The following USP25 variants were observed in gnomAD, a reference collection of about 807,000 sequenced individuals.
The protein encoded by USP25 is ubiquitin specific peptidase 25.
In USP25, 85 loss-of-function variants were observed where a neutral mutation model predicts 158.5. The observed-to-expected ratio is 0.54, with a 90% CI of 0.45 to 0.64. The LOEUF (loss-of-function observed/expected upper bound fraction) is 0.64. Among genes scored for constraint, USP25 ranks in the 30% least tolerant of loss-of-function variants. The pLI is 0.00. For missense variants in USP25, 1,242 were observed against 1,327.3 expected, an observed-to-expected ratio of 0.94 and a Z score of 1.00; for synonymous variants, 464 against 460.4, an observed-to-expected ratio of 1.01 and a Z score of -0.10.
chr21:15,840,220 G>C (rs918885743), intron 17 of USP25, among the ~76,000 whole-genome samples: 4 of 152,088 alleles, frequency 2.6e-5, no homozygotes, highest in African/African-American at 9.7e-5. Flanking sequence ...ACCTCTTCTA[G>C]AAAGTGTTTC....
At chr21:15,810,138 A>G (rs1222360489) in intron 8 of USP25, among the ~76,000 whole-genome samples, 1 of 152,192 alleles carries the variant, frequency 6.6e-6, no homozygotes, top group Non-Finnish European at 1.5e-5. Context: ...ATTTTATCAC[A>G]GTTTTAAGAA....
chr21:15,871,789 G>A (rs1021909469), intron 23 of USP25, among the ~76,000 whole-genome samples: 15 of 151,872 alleles, frequency 9.9e-5, no homozygotes, highest in African/African-American at 3.6e-4. Context: ...AAATTAGAAG[G>A]ATTAACTAGA....
At chr21:15,866,202 A>AATATATAT (rs147076784) in intron 21 of USP25, 64 bp from the exon 22 acceptor site, 9 of 894,994 alleles carry the variant, frequency 1.0e-5, no homozygotes, top group East Asian at 7.1e-5. Context: ...TTGATTTACA[A>AATATATAT]ATATATATAT....
intron 4 of USP25, among the ~76,000 whole-genome samples, chr21:15,787,049 A>T (rs751183777): frequency 6.6e-6 from 1 of 152,126 alleles, no homozygotes; most frequent in Non-Finnish European, 1.5e-5. Context: ...AATAAACTTA[A>T]CCAAAGAGAT....
chr21:15,774,924 G>A (rs1206727565), intron 3 of USP25, among the ~76,000 whole-genome samples: 1 of 152,108 alleles, frequency 6.6e-6, no homozygotes, highest in African/African-American at 2.4e-5. Context: ...CAGTACAAAA[G>A]GCAAATAATA....
chr21:15,878,242 G>C (rs2040176344), intron 25 of USP25, 61 bp from the exon 26 acceptor site: 3 of 1,551,024 alleles, frequency 1.9e-6, no homozygotes, highest in Admixed American at 3.8e-5. Context: ...AGTAAATCAT[G>C]TTGACAATGA....
chr21:15,749,943 C>A (rs1024493837), intron 1 of USP25, among the ~76,000 whole-genome samples: 13 of 151,986 alleles, frequency 8.6e-5, no homozygotes, highest in Admixed American at 6.6e-5. Context: ...GCCCCTAAAG[C>A]CTTTGGAATT....
rs1261287610 is a variant in USP25, at chr21:15,826,877, T to C, written c.1467-100T>C. On this transcript the variant is annotated intron_variant, in intron 13 of 25. Transcript: ENST00000400183. This position sits in a 1 kb window ranked among gnomAD's most constrained non-coding sequence, Gnocchi z 4.8. Reference sequence around the variant, plus strand: ...CACATATTTCTTTAAGATTTTTTCTTTTGAATTACAAGCCAATTTAATACT... The same window carrying C: ...CACATATTTCTTTAAGATTTTTTCTCTTGAATTACAAGCCAATTTAATACT... The C allele has an allele frequency of 1.7e-6, 2 of 1,183,936 alleles. No homozygotes were observed. The highest frequency in any genetic ancestry group is 4.7e-5 in the Admixed American group (2 of 42,584). 73.3% of individuals were successfully genotyped at this position (1,183,936 alleles called of 1,614,324 possible).
In USP25 at chr21:15,816,144, T is replaced by C. The variant is rs1208230884; in HGVS notation, c.932-2554T>C. ...TAACTGAATCATGGTGGGGCAGTCT[T>C]TCCTGTGCTATTCTCATGATATTGA... On this transcript the variant is annotated intron_variant, in intron 9 of 25. Coordinates refer to ENST00000400183, the MANE Select transcript of USP25 (RefSeq NM_001283041.3). This position sits in a 1 kb window ranked among gnomAD's most constrained non-coding sequence, Gnocchi z 4.0. 6.6e-6 allele frequency among the ~76,000 whole-genome samples: 1 copy of C among 152,164 alleles called. No homozygotes were observed. Among genetic ancestry groups the C allele is most frequent in the Non-Finnish European group, 1.5e-5 (1 of 68,022 alleles).
intron 23 of USP25, among the ~76,000 whole-genome samples, chr21:15,870,498 G>A (rs543227584): frequency 6.6e-5 from 10 of 152,252 alleles, no homozygotes; most frequent in Non-Finnish European, 1.3e-4. Flanking sequence ...AAGTGTAGCT[G>A]TAGAAAATTT....
Position 15,826,240 on chromosome 21 carries a change from C to G in USP25, c.1341C>G (p.Pro447=). The change falls in exon 13 of 26, where the codon CCC becomes CCG. Residue 447 remains proline, a synonymous_variant. Coordinates refer to ENST00000400183, the MANE Select transcript of USP25 (RefSeq NM_001283041.3). This position sits in a 1 kb window ranked among gnomAD's most constrained non-coding sequence, Gnocchi z 4.8. ...ATGGTTCCGGTCCCAAACGATTCCC[C>G]TTGGTAGATGTTCTTCAGTATGCAT... ...LSYGSGPKRF[P]LVDVLQYALE... 6.2e-7 allele frequency: 1 copy of G among 1,613,994 alleles called. No homozygotes were observed. Among genetic ancestry groups the G allele is most frequent in the Non-Finnish European group, 8.5e-7 (1 of 1,179,936 alleles).
chr21:15,781,790 A>G (rs916929868), intron 4 of USP25, among the ~76,000 whole-genome samples: 2 of 152,158 alleles, frequency 1.3e-5, no homozygotes, highest in African/African-American at 4.8e-5. Flanking sequence ...AGTCACTGCT[A>G]CAAGAGAGTT....
chr21:15,825,240 C>T (rs746344718), intron 12 of USP25, among the ~76,000 whole-genome samples, 179 bp downstream of exon 12: 5 of 152,064 alleles, frequency 3.3e-5, no homozygotes, highest in Non-Finnish European at 7.4e-5. Context: ...AAAAATTATT[C>T]TAGTGTTTAA....
chr21:15,840,523 C>T (rs532994955), intron 17 of USP25, among the ~76,000 whole-genome samples: 40 of 152,120 alleles, frequency 2.6e-4, no homozygotes, highest in Non-Finnish European at 4.7e-4. Flanking sequence ...GTTCAACTCC[C>T]GTGACAACGA....
Position 15,866,269 on chromosome 21 carries a change from T to C in USP25, c.2730T>C (p.Cys910=). The change falls in exon 22 of 26, where the codon TGT becomes TGC. Residue 910 remains cysteine, a synonymous_variant. Coordinates refer to ENST00000400183, the MANE Select transcript of USP25 (RefSeq NM_001283041.3). ...TATGTATGTGTTTTTTTTTAAGGTG[T>C]CACAACATAATGAAAGTTGCTCAAG... ...GDRNLSFDER[C]HNIMKVAQAK... The C allele has an allele frequency of 6.2e-7, 1 of 1,601,060 alleles. No homozygotes were observed. The highest frequency in any genetic ancestry group is 1.7e-5 in the Admixed American group (1 of 58,294).
At chr21:15,743,581 T>A (rs986010318) in intron 1 of USP25, among the ~76,000 whole-genome samples, 1 of 152,126 alleles carries the variant, frequency 6.6e-6, no homozygotes, top group Non-Finnish European at 1.5e-5. Context: ...CAACATTCAA[T>A]TGGTTTAAAA....
At chr21:15,819,829 G>C (rs1790913106) in intron 10 of USP25, among the ~76,000 whole-genome samples, 1 of 150,956 alleles carries the variant, frequency 6.6e-6, no homozygotes, top group Non-Finnish European at 1.5e-5. Context: ...ACCCTTTCCT[G>C]TTTCAAGTGC....
chr21:15,863,556 T>C (rs1409590623), intron 20 of USP25, among the ~76,000 whole-genome samples: 1 of 152,158 alleles, frequency 6.6e-6, no homozygotes, highest in Non-Finnish European at 1.5e-5. Flanking sequence ...ATTTTAGTGT[T>C]CAAACTGATG....
chr21:15,823,118 G>T (rs1010643722), intron 10 of USP25, among the ~76,000 whole-genome samples: 18 of 152,102 alleles, frequency 1.2e-4, no homozygotes, highest in African/African-American at 4.1e-4. Context: ...GGCATTTTGT[G>T]ACACTTGAAA....
Sources: allele counts gnomAD v4.1 joint callset (sites outside exome capture counted in the v4.1 genomes callset), GRCh38; gene constraint gnomAD v4.1.1; non-coding constraint Gnocchi (gnomAD v3.1); transcripts MANE v1.5; gene names NCBI Gene and HGNC (gene_info 2026-07-23, HGNC 2026-07-21).